MOB2: variants seen among roughly 807,000 people sequenced by gnomAD.
The protein encoded by MOB2 is MOB kinase activator 2, also known as MOB2 Mps One Binder homolog.
MOB2 carries 14 observed loss-of-function variants against 27.4 expected under a neutral mutation model. The observed-to-expected ratio is 0.51, with a 90% CI of 0.34 to 0.80. The LOEUF (loss-of-function observed/expected upper bound fraction) is 0.80, where lower values mean the gene tolerates loss of function less well. Among genes scored for constraint, MOB2 ranks in the 30% least tolerant of loss-of-function variants. The probability of loss-of-function intolerance (pLI) is 0.01; values close to 1 mark genes in which losing one functional copy is unlikely to be tolerated. For synonymous variants in MOB2, 167 were observed against 151.8 expected, an observed-to-expected ratio of 1.10 and a Z score of -0.74; for missense variants, 304 against 354.6, an observed-to-expected ratio of 0.86 and a Z score of 1.15.
At chr11:1,474,944 GAACT>G (rs1407437507) in intron 3 of MOB2, among the ~76,000 whole-genome samples, 7 of 152,276 alleles carry the variant, frequency 4.6e-5, no homozygotes, top group Non-Finnish European at 8.8e-5. Flanking sequence ...ATAAATTTTA[GAACT>G]AACTGGTCTA....
chr11:1,476,077 G>C lies in MOB2; in HGVS notation c.365+4316C>G, dbSNP rs559106739. Among the ~76,000 whole-genome samples the C allele has an allele frequency of 6.6e-5, 10 of 152,276 alleles. No individual in the cohort carries two copies. In the East Asian group the frequency reaches 1.9e-3, roughly 29 times the overall value. ...GGGGCCGAGGCACAGCTGGGCCGAG[G>C]GAGGAGGAGGCACACCTGGAGCAGG... On this transcript the variant is annotated intron_variant, in intron 3 of 4. Transcript: ENST00000329957.
intron 1 of MOB2, among the ~76,000 whole-genome samples, chr11:1,483,656 C>A (rs1327479046): frequency 6.6e-6 from 1 of 152,228 alleles, no homozygotes; most frequent in Non-Finnish European, 1.5e-5. Context: ...TGCTGCTCTG[C>A]CAACTTGCCC....
At chr11:1,476,869 C>T (rs957793586) in intron 3 of MOB2, among the ~76,000 whole-genome samples, 3 of 152,214 alleles carry the variant, frequency 2.0e-5, no homozygotes, top group Non-Finnish European at 2.9e-5. Flanking sequence ...TTGTATTAGT[C>T]TGCAAGTGTT....
At chr11:1,470,581 G>A in intron 4 of MOB2, 93 bp from the exon 5 acceptor site, 11 of 1,403,758 alleles carry the variant, frequency 7.8e-6, no homozygotes, top group East Asian at 2.5e-5. Context: ...TCTGGTACCT[G>A]CCACCCACAC....
rs75625776 is a variant in MOB2, at chr11:1,475,323, C to T, written c.366-3904G>A. Reference sequence around the variant, plus strand: ...AATCCTTGAGGTTTTCCCAATCACACGTGTGCACAGGGATACAGCAATCCC... The same window carrying T: ...AATCCTTGAGGTTTTCCCAATCACATGTGTGCACAGGGATACAGCAATCCC... On this transcript the variant is annotated intron_variant, in intron 3 of 4. Transcript: ENST00000329957. 7.2e-5 allele frequency among the ~76,000 whole-genome samples: 11 copies of T among 152,234 alleles called. No individual in the cohort carries two copies. In the South Asian group the frequency reaches 8.3e-4, roughly 11 times the overall value.
At chr11:1,476,709 C>T (rs1167049348) in intron 3 of MOB2, among the ~76,000 whole-genome samples, 1 of 152,176 alleles carries the variant, frequency 6.6e-6, no homozygotes, top group Non-Finnish European at 1.5e-5. Context: ...AAGTCATCTT[C>T]TTTTTCTAAG....
At chr11:1,484,692 G>A (rs1031052843) in intron 1 of MOB2, among the ~76,000 whole-genome samples, 1 of 152,052 alleles carries the variant, frequency 6.6e-6, no homozygotes, top group Non-Finnish European at 1.5e-5. Context: ...TGGGTGTTGA[G>A]GGGGGGCCTG....
At chr11:1,477,047 G>A (rs2133362458) in intron 3 of MOB2, among the ~76,000 whole-genome samples, 1 of 152,284 alleles carries the variant, frequency 6.6e-6, no homozygotes, top group South Asian at 2.1e-4. Context: ...TGGGTGTTCT[G>A]CTGTTGAGGC....
chr11:1,469,992 G>A lies in MOB2; in HGVS notation c.*180C>T, dbSNP rs931127625. 6 of 1,483,748 alleles carry A rather than the reference G, an allele frequency of 4.0e-6. No individual in the cohort carries two copies. In the African/African-American group the frequency reaches 8.3e-5, roughly 21 times the overall value. 91.9% of individuals were successfully genotyped at this position (1,483,748 alleles called of 1,614,324 possible). On this transcript the variant is annotated 3_prime_UTR_variant, in exon 5 of 5. Transcript: ENST00000329957. ...ACGGCACGCATCCATCCGACAGGGG[G>A]CCACAGGACACGGCCGGGGCCGTCT...
intron 2 of MOB2, 43 bp from the exon 3 acceptor site, chr11:1,480,529 C>G (rs148116256): frequency 5.9e-5 from 95 of 1,599,924 alleles, no homozygotes; most frequent in Non-Finnish European, 7.9e-5. Context: ...AACGCCAGAG[C>G]TGAGCCGCCC....
intron 3 of MOB2, chr11:1,472,041 T>A (rs1847799168): frequency 6.6e-6 from 1 of 152,430 alleles, no homozygotes; most frequent in African/African-American, 2.4e-5. Context: ...CAGAGCAGGC[T>A]GGAGCATCCT....
chr11:1,470,336 G>T lies in MOB2; in HGVS notation c.643C>A (p.Leu215Ile), dbSNP rs1177023752. 1 of 1,613,592 alleles carries T rather than the reference G, an allele frequency of 6.2e-7. No individual in the cohort carries two copies. Among genetic ancestry groups the T allele is most frequent in the East Asian group, 2.2e-5 (1 of 44,880 alleles). Residue 215 changes from leucine (L) to isoleucine (I), a missense_variant, in exon 5 of 5, where the codon CTC becomes ATC. Coordinates refer to ENST00000329957, the MANE Select transcript of MOB2 (RefSeq NM_001172223.3). ...AGCAGGTTGAACTCCCGAGCAAAGA[G>T]GATGAAGTGGACGTAGAGCGTGTTC... ...HLNTLYVHFI[L>I]FAREFNLLDP...
chr11:1,480,266 G>A, intron 3 of MOB2, 127 bp downstream of exon 3: 2 of 844,580 alleles, frequency 2.4e-6, no homozygotes, highest in East Asian at 2.6e-5. Flanking sequence ...TGGAAGGCCT[G>A]TGCCAAGACT....
rs747614312 is a variant in MOB2, at chr11:1,480,675, G to A, written c.271+50C>T. Reference sequence around the variant, plus strand: ...GGGGTCCCCCTTGAGGAGGGGCTTCGAGGAGGAGCAGGGAGGAGGGAGGGG... The same window carrying A: ...GGGGTCCCCCTTGAGGAGGGGCTTCAAGGAGGAGCAGGGAGGAGGGAGGGG... On this transcript the variant is annotated intron_variant, in intron 2 of 4. Transcript: ENST00000329957. The A allele has an allele frequency of 1.2e-5, 19 of 1,583,880 alleles. No individual in the cohort carries two copies. The East Asian group carries it at 1.4e-4, about 11-fold the overall frequency.
At chr11:1,480,932 C>G in intron 1 of MOB2, 47 bp from the exon 2 acceptor site, 2 of 1,543,414 alleles carry the variant, frequency 1.3e-6, no homozygotes. Context: ...CCCATCAGAC[C>G]CAGGGTCTGC....
chr11:1,485,739 CCA>C (rs1847962989), intron 1 of MOB2, among the ~76,000 whole-genome samples: 1 of 151,908 alleles, frequency 6.6e-6, no homozygotes, highest in African/African-American at 2.4e-5. Context: ...GTGCACACTC[CCA>C]CACACACGGG....
chr11:1,481,423 C>T (rs1590766853), intron 1 of MOB2: 1 of 181,474 alleles, frequency 5.5e-6, no homozygotes, highest in East Asian at 1.7e-4. Flanking sequence ...TGGCCTGCAG[C>T]TCCAGTATCC....
rs966548443 is a variant in MOB2, at chr11:1,486,575, T to G, written c.-19A>C. The G allele has an allele frequency of 1.3e-6, 2 of 1,514,308 alleles. No homozygotes were observed. The highest frequency in any genetic ancestry group is 1.8e-6 in the Non-Finnish European group (2 of 1,127,678). 93.8% of individuals were successfully genotyped at this position (1,514,308 alleles called of 1,614,324 possible). A position where few individuals can be genotyped will look rare whatever the true frequency, so the allele number is the denominator to read the frequency against. On this transcript the variant is annotated 5_prime_UTR_variant, in exon 1 of 5. Transcript: ENST00000329957. The stretch of plus-strand genomic sequence containing the variant: ...CCAGCATGAGTGGGCGACGGGAAGG[T>G]GGGGAGGAGAAGCGGGGCGGGGTGC...
chr11:1,483,522 G>A (rs779447024), intron 1 of MOB2, among the ~76,000 whole-genome samples: 3 of 152,298 alleles, frequency 2.0e-5, no homozygotes, highest in East Asian at 3.9e-4. Flanking sequence ...TAGGAGGGCC[G>A]GGCCAGATGG....
Sources: gnomAD v4.1 joint callset for allele counts (sites outside exome capture counted in the v4.1 genomes callset) on GRCh38, gnomAD v4.1.1 for gene constraint, MANE v1.5 for transcripts, NCBI Gene and HGNC (gene_info 2026-07-23, HGNC 2026-07-21) for gene names.